Variants in CFAP299 observed in about 807,000 individuals in gnomAD.
CFAP299 encodes cilia- and flagella-associated protein 299.
Under a neutral mutation model 27.0 loss-of-function variants are expected in CFAP299, and 21 were observed. That is an observed-to-expected ratio of 0.78 (90% confidence interval 0.55 to 1.12). The LOEUF is 1.12. CFAP299 is among the 50% of genes most tolerant of loss of function. CFAP299 has a pLI of 0.00. For missense variants in CFAP299, 310 were observed against 276.6 expected (o/e 1.12, Z -0.86); for synonymous variants, 104 against 98.1 (o/e 1.06, Z -0.36).
intron 2 of CFAP299, among the ~76,000 whole-genome samples, chr4:80,548,569 C>G (rs1253910206): frequency 6.6e-6 from 1 of 152,066 alleles, no homozygotes; most frequent in Non-Finnish European, 1.5e-5. Flanking sequence ...GAGAGCTAGG[C>G]TTTTAAAATA....
intron 3 of CFAP299, among the ~76,000 whole-genome samples, chr4:80,823,709 G>A (rs1578157945): frequency 6.6e-6 from 1 of 152,124 alleles, no homozygotes; most frequent in Non-Finnish European, 1.5e-5. Flanking sequence ...ACTACGTTAA[G>A]TACTCTGCAT....
At chr4:80,573,050 G>A (rs748026332) in intron 2 of CFAP299, among the ~76,000 whole-genome samples, 2 of 152,062 alleles carry the variant, frequency 1.3e-5, no homozygotes, top group Non-Finnish European at 2.9e-5. Context: ...CGTACAAACT[G>A]TTCTCCATAG....
At chr4:80,684,274 TGG>T (rs11305822) in intron 3 of CFAP299, among the ~76,000 whole-genome samples, 125 of 148,468 alleles carry the variant, frequency 8.4e-4, no homozygotes, top group East Asian at 2.2e-3. Flanking sequence ...TTCTTTTTTT[TGG>T]GGGGGGGGGA....
chr4:80,394,659 A>G (rs971253350), intron 2 of CFAP299, among the ~76,000 whole-genome samples: 23 of 152,144 alleles, frequency 1.5e-4, no homozygotes, highest in South Asian at 4.1e-4. Context: ...TCAGTTTTCC[A>G]AACAACATTT....
intron 2 of CFAP299, among the ~76,000 whole-genome samples, chr4:80,376,646 C>T (rs923103804): frequency 6.6e-6 from 1 of 151,904 alleles, no homozygotes; most frequent in Non-Finnish European, 1.5e-5. Flanking sequence ...TGCTGAACAT[C>T]TTTCTTCTTC....
intron 3 of CFAP299, among the ~76,000 whole-genome samples, chr4:80,684,643 G>C (rs1321618710): frequency 6.6e-6 from 1 of 152,104 alleles, no homozygotes; most frequent in Non-Finnish European, 1.5e-5. Flanking sequence ...AGTCATTATA[G>C]TATCTAAACT....
intron 3 of CFAP299, among the ~76,000 whole-genome samples, chr4:80,860,054 A>C (rs1261695110): frequency 6.6e-6 from 1 of 152,294 alleles, no homozygotes; most frequent in Non-Finnish European, 1.5e-5. Context: ...ACACCAATCA[A>C]ACGTAGATTT....
chr4:80,831,047 A>G (rs1326344193), intron 3 of CFAP299, among the ~76,000 whole-genome samples: 1 of 152,094 alleles, frequency 6.6e-6, no homozygotes, highest in Non-Finnish European at 1.5e-5. Context: ...AGGCAATAAA[A>G]GACTGTTCAC....
At chr4:80,927,669 T>G (rs1033804080) in intron 4 of CFAP299, among the ~76,000 whole-genome samples, 6 of 152,138 alleles carry the variant, frequency 3.9e-5, no homozygotes, top group Admixed American at 3.3e-4. Context: ...TCCTTCTGGC[T>G]ATTGGACTGA....
intron 5 of CFAP299, among the ~76,000 whole-genome samples, chr4:80,961,425 G>A (rs1738339704): frequency 6.6e-6 from 1 of 151,608 alleles, no homozygotes; most frequent in Non-Finnish European, 1.5e-5. Context: ...ATTAAGTATA[G>A]CACAATTTAA....
intron 3 of CFAP299, among the ~76,000 whole-genome samples, chr4:80,680,149 A>C (rs951951866): frequency 6.6e-6 from 1 of 152,058 alleles, no homozygotes; most frequent in African/African-American, 2.4e-5. Context: ...TCTCATTTAA[A>C]AAAATTGCCG....
intron 3 of CFAP299, among the ~76,000 whole-genome samples, chr4:80,801,185 G>GA (rs1181894025): frequency 7.1e-6 from 1 of 140,378 alleles, no homozygotes; most frequent in Non-Finnish European, 1.6e-5. Context: ...TCACACTATG[G>GA]TTTTTTTTTT....
intron 5 of CFAP299, among the ~76,000 whole-genome samples, chr4:80,958,374 A>C (rs115148375): frequency 2.7e-4 from 41 of 152,294 alleles, no homozygotes; most frequent in Non-Finnish European, 5.3e-4. Flanking sequence ...TTGTACAATT[A>C]CATCCTGGTA....
intron 2 of CFAP299, among the ~76,000 whole-genome samples, chr4:80,432,373 G>A (rs1003613623): frequency 1.3e-5 from 2 of 151,830 alleles, no homozygotes; most frequent in African/African-American, 4.8e-5. Flanking sequence ...GGCTGGTCTC[G>A]AACTCCTGAT....
chr4:80,820,586 G>A (rs1427128996), intron 3 of CFAP299, among the ~76,000 whole-genome samples: 3 of 152,134 alleles, frequency 2.0e-5, no homozygotes, highest in African/African-American at 7.2e-5. Flanking sequence ...GGAGCCAGAT[G>A]GGTCATTAAG....
chr4:80,902,475 T>G (rs13116671), intron 4 of CFAP299, among the ~76,000 whole-genome samples: 11,640 of 118,942 alleles, frequency 0.098, 579 homozygotes, highest in Middle Eastern at 0.22. Flanking sequence ...TGTATATATG[T>G]ATATATGTAT....
At chr4:80,891,214 A>G (rs1184047670) in intron 4 of CFAP299, among the ~76,000 whole-genome samples, 1 of 148,726 alleles carries the variant, frequency 6.7e-6, no homozygotes, top group East Asian at 2.1e-4. Flanking sequence ...TAAATCTTTA[A>G]TCCATCTTGA....
intron 3 of CFAP299, among the ~76,000 whole-genome samples, chr4:80,785,616 A>C (rs1314467196): frequency 6.6e-6 from 1 of 152,186 alleles, no homozygotes; most frequent in Non-Finnish European, 1.5e-5. Context: ...ATAATCACTT[A>C]TTGGCCTTTT....
chr4:80,856,158 T>C lies in CFAP299; in HGVS notation c.334-13835T>C, dbSNP rs541957876. Reference sequence around the variant, plus strand: ...TGATTTGCATTTCTCTGATGGCCAGTGATGGTGAGCATTTTTTCATGTGTT... The same window carrying C: ...TGATTTGCATTTCTCTGATGGCCAGCGATGGTGAGCATTTTTTCATGTGTT... On this transcript the variant is annotated intron_variant, in intron 3 of 5. Coordinates refer to ENST00000358105, the MANE Select transcript of CFAP299 (RefSeq NM_152770.3). Among the ~76,000 whole-genome samples the C allele has an allele frequency of 1.9e-3, 295 of 151,850 alleles. 1 individual carries two copies. Among genetic ancestry groups the C allele is most frequent in the African/African-American group, 6.8e-3 (280 of 41,250 alleles).
Sources: allele counts gnomAD v4.1 joint callset (sites outside exome capture counted in the v4.1 genomes callset), GRCh38; gene constraint gnomAD v4.1.1; transcripts MANE v1.5; gene names NCBI Gene and HGNC (gene_info 2026-07-23, HGNC 2026-07-21).